The following BCO1 variants were observed in gnomAD, a reference collection of about 807,000 sequenced individuals.
The protein encoded by BCO1 is beta-carotene oxygenase 1.
BCO1 carries 54 observed loss-of-function variants against 56.3 expected under a neutral mutation model. That is an observed-to-expected ratio of 0.96 (90% CI 0.77 to 1.20). The LOEUF is 1.20. Among genes scored for constraint, BCO1 ranks in the 50% most tolerant of loss-of-function variants. The pLI, the probability that BCO1 is intolerant of heterozygous loss-of-function variation, is 0.00. For synonymous variants in BCO1, 318 were observed against 266.1 expected, an observed-to-expected ratio of 1.20 and a Z score of -1.90; for missense variants, 801 against 690.9, an observed-to-expected ratio of 1.16 and a Z score of -1.79.
intron 2 of BCO1, among the ~76,000 whole-genome samples, chr16:81,248,863 T>C (rs1343559193): frequency 6.6e-6 from 1 of 151,944 alleles, no homozygotes; most frequent in East Asian, 1.9e-4. Flanking sequence ...AATACAAAAA[T>C]TAGCCGGATG....
intron 6 of BCO1, among the ~76,000 whole-genome samples, chr16:81,268,835 C>T (rs1276447176): frequency 6.7e-6 from 1 of 150,330 alleles, no homozygotes; most frequent in Non-Finnish European, 1.5e-5. Context: ...CTGGAGTGCA[C>T]TGGTACAATC....
intron 10 of BCO1, among the ~76,000 whole-genome samples, chr16:81,289,496 C>T (rs1908349014): frequency 6.6e-6 from 1 of 152,114 alleles, no homozygotes; most frequent in African/African-American, 2.4e-5. Flanking sequence ...CAAAAATTAG[C>T]CAGACGTGGT....
chr16:81,258,959 A>G (rs1439347368), intron 2 of BCO1, among the ~76,000 whole-genome samples: 3 of 151,892 alleles, frequency 2.0e-5, no homozygotes, highest in Non-Finnish European at 4.4e-5. Flanking sequence ...GAGAGGAGGG[A>G]GGGATCTTTT....
intron 1 of BCO1, 52 bp downstream of exon 1, chr16:81,239,024 T>TTC: frequency 6.7e-7 from 1 of 1,494,008 alleles, no homozygotes; most frequent in East Asian, 2.4e-5. Context: ...TTTATTATTT[T>TTC]TTTTTTTTTT....
At chr16:81,280,717 C>T (rs1265281895) in intron 7 of BCO1, 140 bp from the exon 8 acceptor site, 22 of 688,970 alleles carry the variant, frequency 3.2e-5, no homozygotes, top group Admixed American at 7.0e-5. Flanking sequence ...CAACAGGAAA[C>T]GAGCTGCTTC....
intron 2 of BCO1, among the ~76,000 whole-genome samples, chr16:81,254,739 G>C (rs907443387): frequency 6.6e-6 from 1 of 152,162 alleles, no homozygotes; most frequent in African/African-American, 2.4e-5. Context: ...TTACCCTGGA[G>C]GGGGAAGAGG....
chr16:81,270,203 G>C lies in BCO1; in HGVS notation c.888G>C (p.Gln296His), dbSNP rs767012049. 1.9e-6 allele frequency: 3 copies of C among 1,614,160 alleles called. No homozygotes were observed. The highest frequency in any genetic ancestry group is 1.7e-6 in the Non-Finnish European group (2 of 1,180,036). The change falls in exon 7 of 11, where the codon CAG (glutamine) becomes CAC (histidine). Residue 296 changes from glutamine to histidine, a missense_variant. By Grantham distance (24) the Gln-to-His change is conservative (BLOSUM62 0). Coordinates refer to ENST00000258168, the MANE Select transcript of BCO1 (RefSeq NM_017429.3). ...ACCAAAGGACCAGGCAGCCTGTGCA[G>C]ACCAAGTTTTACACAGACGCCATGG... ...IIDQRTRQPV[Q>H]TKFYTDAMVV...
At position 81,239,604 on chromosome 16, in the gene BCO1, A is replaced by G. The variant is rs74029091; in HGVS notation, c.64+632A>G. The stretch of plus-strand genomic sequence containing the variant: ...ATGATGTATTTGTGCAAATGTATGC[A>G]TTCTAAATTAGTTTCAAAATGCTTA... On this transcript the variant is annotated intron_variant, in intron 1 of 10. Transcript: ENST00000258168. Among the ~76,000 whole-genome samples the G allele has an allele frequency of 4.3e-3, 648 of 152,260 alleles. 3 individuals are homozygous for G. The highest frequency in any genetic ancestry group is 0.015 in the African/African-American group (611 of 41,548).
chr16:81,250,029 A>G (rs957906884), intron 2 of BCO1, among the ~76,000 whole-genome samples: 10 of 152,144 alleles, frequency 6.6e-5, no homozygotes, highest in Non-Finnish European at 1.0e-4. Flanking sequence ...TTTCCCAGTC[A>G]AACTCTTCAA....
At chr16:81,251,132 C>T (rs879786239) in intron 2 of BCO1, among the ~76,000 whole-genome samples, 1 of 152,114 alleles carries the variant, frequency 6.6e-6, no homozygotes, top group Non-Finnish European at 1.5e-5. Flanking sequence ...CAGGTGATTC[C>T]AGTGTAGATG....
At chr16:81,243,289 C>G (rs1393857383) in intron 1 of BCO1, among the ~76,000 whole-genome samples, 1 of 152,164 alleles carries the variant, frequency 6.6e-6, no homozygotes, top group Non-Finnish European at 1.5e-5. Flanking sequence ...TTATAACCAT[C>G]AAAGGTGCCC....
intron 2 of BCO1, among the ~76,000 whole-genome samples, chr16:81,258,890 T>C (rs1372971099): frequency 6.6e-6 from 1 of 152,054 alleles, no homozygotes; most frequent in Non-Finnish European, 1.5e-5. Context: ...CAAAAAGCTT[T>C]GGCTCATGGC....
intron 2 of BCO1, among the ~76,000 whole-genome samples, chr16:81,258,047 A>G (rs1029169634): frequency 2.6e-5 from 4 of 152,146 alleles, no homozygotes; most frequent in Non-Finnish European, 4.4e-5. Flanking sequence ...CAGGGGTCAC[A>G]GTGACGCAGC....
Position 81,270,692 on chromosome 16 carries a change from C to CTGTCTGTGTGTG in BCO1, c.1101+279_1101+280insCTGTGTGTGTGT, listed in dbSNP as rs1555505403. ...TGTCTCCCAGTCTCTCTCTCTGTGTCTGTGTGTGTGTGTGTGTGTGTGTGT... is the reference window on the plus strand; with the variant it reads ...TGTCTCCCAGTCTCTCTCTCTGTGTCTGTCTGTGTGTGTGTGTGTGTGTGTGTGTGTGTGTGT... On this transcript the variant is annotated intron_variant, in intron 7 of 10. Transcript: ENST00000258168. Among the ~76,000 whole-genome samples, 8 of 143,694 alleles carry CTGTCTGTGTGTG rather than the reference C, an allele frequency of 5.6e-5. No individual in the cohort carries two copies. In the Admixed American group the frequency reaches 5.6e-4, roughly 10 times the overall value. 94.3% of individuals were successfully genotyped at this position (143,694 alleles called of 152,430 possible).
chr16:81,251,361 C>T (rs1044176268), intron 2 of BCO1, among the ~76,000 whole-genome samples: 5 of 151,954 alleles, frequency 3.3e-5, no homozygotes, highest in African/African-American at 1.2e-4. Flanking sequence ...GAGTTCAAGA[C>T]AAGCCTGGGT....
rs569772338 is a variant in BCO1, at chr16:81,265,001, C to G, written c.619+214C>G. On this transcript the variant is annotated intron_variant, in intron 5 of 10. Coordinates refer to ENST00000258168, the MANE Select transcript of BCO1 (RefSeq NM_017429.3). ...AGAAATCCCTTTACTATTCTAATTT[C>G]CTTTTATTTAGGCTCCAGTTTATTA... Among the ~76,000 whole-genome samples the G allele has an allele frequency of 5.9e-5, 9 of 152,288 alleles. No individual in the cohort carries two copies. The East Asian group carries it at 1.7e-3, about 29-fold the overall frequency.
In BCO1 at chr16:81,280,943, G is replaced by C; in HGVS notation, c.1188G>C (p.Gln396His). ...LKEEDGQVYC[Q>H]PEFLYEGLEL... ...AAGAAGATGGCCAAGTCTACTGCCA[G>C]CCGGAATTTCTTTATGAAGGTAAAA... Residue 396 changes from glutamine (Q) to histidine (H), a missense_variant, in exon 8 of 11, where the codon CAG becomes CAC. By Grantham distance (24) the Gln-to-His change is conservative (BLOSUM62 0). Transcript: ENST00000258168. 6.2e-7 allele frequency: 1 copy of C among 1,613,872 alleles called. No homozygotes were observed. The highest frequency in any genetic ancestry group is 8.5e-7 in the Non-Finnish European group (1 of 1,179,788).
At chr16:81,248,397 C>A (rs1905558644) in intron 2 of BCO1, among the ~76,000 whole-genome samples, 1 of 101,858 alleles carries the variant, frequency 9.8e-6, no homozygotes, top group Non-Finnish European at 1.9e-5. Context: ...GAGCGAGGCT[C>A]CCTCTCACAA....
intron 1 of BCO1, among the ~76,000 whole-genome samples, chr16:81,240,600 G>A: frequency 6.6e-6 from 1 of 151,906 alleles, no homozygotes; most frequent in African/African-American, 2.4e-5. Context: ...AGCTACTCAG[G>A]AGGATGAGGT....
Sources: gnomAD v4.1 joint callset for allele counts (sites outside exome capture counted in the v4.1 genomes callset) on GRCh38, gnomAD v4.1.1 for gene constraint, MANE v1.5 for transcripts, NCBI Gene and HGNC (gene_info 2026-07-23, HGNC 2026-07-21) for gene names.